Variants in SIRPG observed in about 807,000 individuals in gnomAD.
SIRPG encodes the protein signal regulatory protein gamma.
A neutral mutation model predicts 35.7 loss-of-function variants in SIRPG; 38 were observed. That is an observed-to-expected ratio of 1.06 (90% confidence interval 0.82 to 1.40). SIRPG has a LOEUF of 1.40. Ranked by LOEUF, SIRPG falls within the 40% of genes most tolerant of loss-of-function variation. The pLI, the probability that SIRPG is intolerant of heterozygous loss-of-function variation, is 0.00. For synonymous variants in SIRPG, 215 were observed against 190.4 expected, an observed-to-expected ratio of 1.13 and a Z score of -1.06; for missense variants, 519 against 483.0, an observed-to-expected ratio of 1.07 and a Z score of -0.70.
chr20:1,671,234 G>A, the SIRPG span: 1 of 232,348 alleles, frequency 4.3e-6, no homozygotes, highest in South Asian at 5.7e-5. Flanking sequence ...AGACATGACT[G>A]AGATGACCAT....
At chr20:1,636,093 TA>T (rs1358143113) in intron 3 of SIRPG, 94 bp downstream of exon 3, 1 of 1,556,616 alleles carries the variant, frequency 6.4e-7, no homozygotes, top group Non-Finnish European at 8.8e-7. Context: ...GGGATTAGAT[TA>T]CAGGCCATTC....
chr20:1,647,892 G>C (rs1485001239), intron 2 of SIRPG: 1 of 152,206 alleles, frequency 6.6e-6, no homozygotes, highest in African/African-American at 2.4e-5. Flanking sequence ...GGTTCTGTTT[G>C]AGGAGCTTTT....
the SIRPG span, among the ~76,000 whole-genome samples, chr20:1,663,456 C>T: frequency 6.6e-6 from 1 of 152,196 alleles, no homozygotes; most frequent in African/African-American, 2.4e-5. Context: ...AAATATAACT[C>T]AGTGGTGTAC....
chr20:1,648,711 G>A (rs57694200), intron 2 of SIRPG, among the ~76,000 whole-genome samples: 2 of 152,282 alleles, frequency 1.3e-5, no homozygotes, highest in African/African-American at 4.8e-5. Flanking sequence ...CTCTTTGGAG[G>A]CAGAAGGTGA....
chr20:1,681,932 T>A, the SIRPG span, among the ~76,000 whole-genome samples: 1 of 145,404 alleles, frequency 6.9e-6, no homozygotes, highest in Non-Finnish European at 1.5e-5. Context: ...GATATAGGTA[T>A]GACTATGGAT....
the SIRPG span, among the ~76,000 whole-genome samples, chr20:1,685,315 A>C: frequency 6.6e-6 from 1 of 152,226 alleles, no homozygotes; most frequent in East Asian, 1.9e-4. Flanking sequence ...CCAGAACCTC[A>C]GAATTTGACT....
the SIRPG span, among the ~76,000 whole-genome samples, chr20:1,671,999 G>T: frequency 2.6e-5 from 4 of 152,150 alleles, no homozygotes; most frequent in African/African-American, 9.7e-5. Context: ...CCAGTTTATG[G>T]CCAGATTTTA....
rs528937497 is a variant in SIRPG, at chr20:1,655,994, T to C, written c.73+1648A>G. ...AAGTTTGGCTTATCATGTTAGTATATAAGGTTGTTTTGTGCATTAATTACA... is the reference window on the plus strand; with the variant it reads ...AAGTTTGGCTTATCATGTTAGTATACAAGGTTGTTTTGTGCATTAATTACA... On this transcript the variant is annotated intron_variant, in intron 1 of 5. Coordinates refer to ENST00000303415, the MANE Select transcript of SIRPG (RefSeq NM_018556.4). Among the ~76,000 whole-genome samples the C allele has an allele frequency of 9.2e-5, 14 of 152,274 alleles. No homozygotes were observed. In the South Asian group the frequency reaches 1.0e-3, roughly 11 times the overall value.
chr20:1,630,372 A>G (rs1275778975), intron 4 of SIRPG, 66 bp from the exon 5 acceptor site: 6 of 1,278,522 alleles, frequency 4.7e-6, no homozygotes, highest in Non-Finnish European at 6.6e-6. Context: ...AGGGGCCTCC[A>G]CTTACCCCAT....
chr20:1,667,142 C>T, the SIRPG span, among the ~76,000 whole-genome samples: 2 of 152,194 alleles, frequency 1.3e-5, no homozygotes, highest in African/African-American at 2.4e-5. Flanking sequence ...AGTGATCCCC[C>T]TGCCTTGGCC....
intron 2 of SIRPG, among the ~76,000 whole-genome samples, chr20:1,648,718 G>T (rs888400631): frequency 5.9e-5 from 9 of 152,180 alleles, no homozygotes; most frequent in Non-Finnish European, 1.2e-4. Flanking sequence ...GAGGCAGAAG[G>T]TGAGTTCTGG....
At chr20:1,672,118 G>A in the SIRPG span, among the ~76,000 whole-genome samples, 15 of 152,190 alleles carry the variant, frequency 9.9e-5, no homozygotes, top group African/African-American at 2.7e-4. Flanking sequence ...CCCAGGAGAC[G>A]GGTGGCCTGA....
chr20:1,657,233 T>C (rs6034307), intron 1 of SIRPG, among the ~76,000 whole-genome samples: 50,113 of 151,980 alleles, frequency 0.33, 8,788 homozygotes, highest in East Asian at 0.62. Flanking sequence ...TTGTTTTAGT[T>C]ACTGAGTCTG....
intron 2 of SIRPG, among the ~76,000 whole-genome samples, chr20:1,641,580 G>GT (rs764798944): frequency 9.9e-5 from 15 of 151,938 alleles, no homozygotes; most frequent in Non-Finnish European, 1.3e-4. Flanking sequence ...TTTTTGAAGG[G>GT]TTTTTTGTGT....
intron 1 of SIRPG, among the ~76,000 whole-genome samples, chr20:1,651,070 A>G (rs4410351): frequency 0.14 from 21,390 of 152,252 alleles, 1,681 homozygotes; most frequent in Non-Finnish European, 0.16. Context: ...AACAAAAGCT[A>G]AGATAGTTCA....
intron 4 of SIRPG, among the ~76,000 whole-genome samples, chr20:1,631,977 T>C (rs1228704070): frequency 6.6e-6 from 1 of 152,138 alleles, no homozygotes; most frequent in African/African-American, 2.4e-5. Context: ...TTCTTATCTC[T>C]TGTGGCTAGA....
At chr20:1,682,225 T>C in the SIRPG span, among the ~76,000 whole-genome samples, 36,992 of 152,062 alleles carry the variant, frequency 0.24, 5,214 homozygotes, top group East Asian at 0.59. Context: ...GAAAACCAAA[T>C]ATCTCTTTAA....
At chr20:1,634,250 A>G (rs1040335172) in intron 4 of SIRPG, among the ~76,000 whole-genome samples, 17 of 139,836 alleles carry the variant, frequency 1.2e-4, no homozygotes, top group African/African-American at 4.6e-4. Flanking sequence ...TCTGTCGCCC[A>G]GGCTGGAGTG....
intron 4 of SIRPG, among the ~76,000 whole-genome samples, chr20:1,631,367 T>C (rs771926354): frequency 3.3e-5 from 5 of 152,052 alleles, no homozygotes; most frequent in Non-Finnish European, 7.4e-5. Flanking sequence ...CAAGAAAGAT[T>C]GGCTGAATTG....
Sources: gnomAD v4.1 joint callset for allele counts (sites outside exome capture counted in the v4.1 genomes callset) on GRCh38, gnomAD v4.1.1 for gene constraint, MANE v1.5 for transcripts, NCBI Gene and HGNC (gene_info 2026-07-23, HGNC 2026-07-21) for gene names.